GRAMD2A: variants seen among roughly 807,000 people sequenced by gnomAD.
GRAMD2A encodes the protein GRAM domain containing 2A.
In GRAMD2A, 37 loss-of-function variants were observed where a neutral mutation model predicts 51.1. That is an observed-to-expected ratio of 0.72 (90% confidence interval 0.56 to 0.95). The LOEUF is 0.95. Ranked by LOEUF, GRAMD2A falls within the 40% of genes least tolerant of loss-of-function variation. The pLI, the probability that GRAMD2A is intolerant of heterozygous loss-of-function variation, is 0.00. For synonymous variants in GRAMD2A, 136 were observed against 157.1 expected (o/e 0.87, Z 1.01); for missense variants, 414 against 426.9 (o/e 0.97, Z 0.27).
At chr15:72,197,626 G>T in intron 1 of GRAMD2A, 105 bp downstream of exon 1, 2 of 927,414 alleles carry the variant, frequency 2.2e-6, no homozygotes, top group Non-Finnish European at 2.8e-6. Flanking sequence ...GGCAGAACGC[G>T]CCGAGTTGCC....
intron 1 of GRAMD2A, among the ~76,000 whole-genome samples, chr15:72,187,440 G>A (rs1482813165): frequency 6.6e-6 from 1 of 150,416 alleles, no homozygotes; most frequent in African/African-American, 2.4e-5. Context: ...CTGGGCAACA[G>A]AGCAAGACCC....
At chr15:72,164,807 C>T (rs2140544133) in intron 8 of GRAMD2A, among the ~76,000 whole-genome samples, 1 of 152,280 alleles carries the variant, frequency 6.6e-6, no homozygotes, top group South Asian at 2.1e-4. Context: ...CCCAACCTGG[C>T]CAGTGTTTTG....
intron 1 of GRAMD2A, among the ~76,000 whole-genome samples, chr15:72,193,761 C>T (rs1378124150): frequency 2.0e-5 from 3 of 146,940 alleles, no homozygotes; most frequent in African/African-American, 5.1e-5. Flanking sequence ...CTCCTGACCT[C>T]GTGATCCGCC....
At chr15:72,188,729 G>A (rs1304574584) in intron 1 of GRAMD2A, among the ~76,000 whole-genome samples, 2 of 151,814 alleles carry the variant, frequency 1.3e-5, no homozygotes, top group Non-Finnish European at 2.9e-5. Context: ...GTCGCCCAAG[G>A]TGGAGTGCAG....
intron 1 of GRAMD2A, among the ~76,000 whole-genome samples, chr15:72,182,404 T>C (rs72733352): frequency 0.015 from 2,026 of 138,786 alleles, 25 homozygotes; most frequent in Middle Eastern, 0.05. Flanking sequence ...TTGCTAAAAC[T>C]ATGAAACTCT....
intron 1 of GRAMD2A, among the ~76,000 whole-genome samples, chr15:72,176,886 T>C (rs998095436): frequency 3.0e-5 from 4 of 131,886 alleles, no homozygotes; most frequent in African/African-American, 1.2e-4. Flanking sequence ...TTTTAAGAGA[T>C]GGAGTCTTGC....
intron 1 of GRAMD2A, among the ~76,000 whole-genome samples, chr15:72,193,060 A>T (rs1460429513): frequency 6.6e-6 from 1 of 151,514 alleles, no homozygotes; most frequent in Admixed American, 6.6e-5. Flanking sequence ...TGGGAGGCGG[A>T]GTTTGCAGTG....
At chr15:72,163,202 G>C in intron 10 of GRAMD2A, 64 bp downstream of exon 10, 1 of 1,107,926 alleles carries the variant, frequency 9.0e-7, no homozygotes, top group Non-Finnish European at 1.4e-6. Flanking sequence ...ACACTCCAAG[G>C]CCCTTGTTCC....
intron 1 of GRAMD2A, among the ~76,000 whole-genome samples, chr15:72,182,718 C>T (rs1020949013): frequency 2.6e-5 from 4 of 152,016 alleles, no homozygotes; most frequent in African/African-American, 9.7e-5. Context: ...CATATGAATC[C>T]ACTTAAATTG....
At chr15:72,164,772 G>T (rs768433702) in intron 8 of GRAMD2A, among the ~76,000 whole-genome samples, 2 of 152,148 alleles carry the variant, frequency 1.3e-5, no homozygotes, top group Non-Finnish European at 2.9e-5. Flanking sequence ...TGGGCCACTG[G>T]TCCTGCATCT....
At chr15:72,163,227 G>A (rs1412401789) in intron 10 of GRAMD2A, 39 bp downstream of exon 10, 4 of 1,378,930 alleles carry the variant, frequency 2.9e-6, no homozygotes, top group African/African-American at 1.4e-5. Flanking sequence ...ACCTAGACAT[G>A]CAGGTGGGTC....
intron 1 of GRAMD2A, among the ~76,000 whole-genome samples, chr15:72,182,255 C>G (rs1180878440): frequency 6.6e-6 from 1 of 151,040 alleles, no homozygotes; most frequent in Non-Finnish European, 1.5e-5. Flanking sequence ...ATCCCAGCTA[C>G]TCAGGAGGCT....
chr15:72,161,624 G>A lies in GRAMD2A; in HGVS notation c.*385C>T, dbSNP rs921641191. 3 of 263,538 alleles carry A rather than the reference G, an allele frequency of 1.1e-5. No individual in the cohort carries two copies. Among genetic ancestry groups the A allele is most frequent in the Admixed American group, 9.8e-5 (2 of 20,490 alleles). The allele number at this position is 263,538 out of a possible 1,614,324, so 16.3% of individuals were successfully genotyped here. ...TGTGGCAGAGCCACATTCCAAATGC[G>A]AAAGCATGGCCTCTGTCCTTTGAGG... On this transcript the variant is annotated 3_prime_UTR_variant, in exon 12 of 12. Transcript: ENST00000309731.
At chr15:72,164,411 A>AT (rs57619595) in intron 8 of GRAMD2A, among the ~76,000 whole-genome samples, 94,389 of 143,590 alleles carry the variant, frequency 0.66, 31,394 homozygotes, top group Middle Eastern at 0.74. Flanking sequence ...GACATCTTTT[A>AT]TTTTTTTTTT....
At chr15:72,169,803 C>T (rs1473079863) in intron 2 of GRAMD2A, 44 bp downstream of exon 2, 1 of 1,498,418 alleles carries the variant, frequency 6.7e-7, no homozygotes, top group Non-Finnish European at 9.3e-7. Flanking sequence ...GGGCTTCCCA[C>T]CCTCTAGTCT....
In GRAMD2A at chr15:72,188,259, C is replaced by T. The variant is rs553373879; in HGVS notation, c.41+9472G>A. ...GGCTAAGGCAGGAGAATCACTTGAA[C>T]CCAGGAGGCGGAAATTACAGTGAGC... On this transcript the variant is annotated intron_variant, in intron 1 of 11. Coordinates refer to ENST00000309731, the MANE Select transcript of GRAMD2A (RefSeq NM_001012642.3). Among the ~76,000 whole-genome samples the T allele has an allele frequency of 5.3e-5, 8 of 151,942 alleles. No homozygotes were observed. In the East Asian group the frequency reaches 1.4e-3, roughly 26 times the overall value.
intron 1 of GRAMD2A, among the ~76,000 whole-genome samples, chr15:72,182,362 CA>C (rs36075463): frequency 0.037 from 1,785 of 47,608 alleles, 3 homozygotes; most frequent in East Asian, 0.067. Flanking sequence ...GAGACTGTCT[CA>C]AAAAAAAAAA....
rs551345304 is a variant in GRAMD2A, at chr15:72,170,181, T to C, written c.42-242A>G. On this transcript the variant is annotated intron_variant, in intron 1 of 11. Coordinates refer to ENST00000309731, the MANE Select transcript of GRAMD2A (RefSeq NM_001012642.3). This position sits in a 1 kb window ranked among gnomAD's most constrained non-coding sequence, Gnocchi z 4.5. Reference sequence around the variant, plus strand: ...GAAAGCCAGAAGTTCTGCTTATGCCTAGGCTGGGAGGAAAATCAACCTGTC... The same window carrying C: ...GAAAGCCAGAAGTTCTGCTTATGCCCAGGCTGGGAGGAAAATCAACCTGTC... 27 of 629,852 alleles carry C rather than the reference T, an allele frequency of 4.3e-5. No individual in the cohort carries two copies. Among genetic ancestry groups the C allele is most frequent in the Non-Finnish European group, 7.1e-5 (24 of 339,052 alleles). 39.0% of individuals were successfully genotyped at this position (629,852 alleles called of 1,614,324 possible). A position where few individuals can be genotyped will look rare whatever the true frequency, so the allele number is the denominator to read the frequency against.
chr15:72,184,957 C>T (rs1445236614), intron 1 of GRAMD2A, among the ~76,000 whole-genome samples: 3 of 152,158 alleles, frequency 2.0e-5, no homozygotes, highest in Non-Finnish European at 4.4e-5. Context: ...GTAGGCAGAA[C>T]TGTGATGGGG....
Sources: gnomAD v4.1 joint callset for allele counts (sites outside exome capture counted in the v4.1 genomes callset) on GRCh38, gnomAD v4.1.1 for gene constraint, Gnocchi (gnomAD v3.1) non-coding constraint, MANE v1.5 for transcripts, NCBI Gene and HGNC (gene_info 2026-07-23, HGNC 2026-07-21) for gene names.